HMGB1: variants seen among roughly 807,000 people sequenced by gnomAD.
The protein encoded by HMGB1 is high mobility group box 1.
For missense variants in HMGB1, 79 were observed against 253.5 expected (o/e 0.31, Z 4.67); for synonymous variants, 81 against 84.0 (o/e 0.96, Z 0.19).
chr13:30,506,978 G>A (rs747312104), intron 1 of HMGB1, among the ~76,000 whole-genome samples: 3 of 152,160 alleles, frequency 2.0e-5, no homozygotes, highest in Non-Finnish European at 4.4e-5. Flanking sequence ...CTCTGAAGGC[G>A]ACTCAGTCTA....
intron 1 of HMGB1, among the ~76,000 whole-genome samples, chr13:30,610,576 C>T (rs1008831101): frequency 6.6e-6 from 1 of 151,866 alleles, no homozygotes; most frequent in Admixed American, 6.6e-5. Flanking sequence ...TTGCCTGAGG[C>T]CAAAATTAGT....
intron 1 of HMGB1, among the ~76,000 whole-genome samples, chr13:30,555,817 AG>A (rs1310270871): frequency 6.6e-6 from 1 of 152,232 alleles, no homozygotes; most frequent in Non-Finnish European, 1.5e-5. Context: ...GGACCTCAAA[AG>A]TAGTCCTTAT....
chr13:30,509,930 A>C (rs1887953337), intron 1 of HMGB1, among the ~76,000 whole-genome samples: 1 of 152,174 alleles, frequency 6.6e-6, no homozygotes, highest in Admixed American at 6.5e-5. Flanking sequence ...TCTTACCTAT[A>C]GGCTAATTAA....
At chr13:30,569,544 G>A (rs1870339818) in intron 1 of HMGB1, among the ~76,000 whole-genome samples, 1 of 152,060 alleles carries the variant, frequency 6.6e-6, no homozygotes, top group Non-Finnish European at 1.5e-5. Flanking sequence ...ATTCTGGGAG[G>A]TAGGCATTAT....
At chr13:30,508,081 C>T (rs908711975) in intron 1 of HMGB1, among the ~76,000 whole-genome samples, 2 of 152,132 alleles carry the variant, frequency 1.3e-5, no homozygotes, top group African/African-American at 4.8e-5. Context: ...CCATATCATA[C>T]TGGATGAAAA....
At chr13:30,507,163 C>G (rs1479162093) in intron 1 of HMGB1, among the ~76,000 whole-genome samples, 1 of 152,186 alleles carries the variant, frequency 6.6e-6, no homozygotes, top group Admixed American at 6.5e-5. Flanking sequence ...TCCACTATAG[C>G]TCAAATGCCT....
intron 1 of HMGB1, among the ~76,000 whole-genome samples, chr13:30,543,813 G>A (rs552048025): frequency 6.6e-6 from 1 of 152,316 alleles, no homozygotes; most frequent in South Asian, 2.1e-4. Flanking sequence ...AGAGTTTACA[G>A]TCAAACAGGA....
At chr13:30,464,113 A>C (rs41433050) in intron 1 of HMGB1, 253 of 984,626 alleles carry the variant, frequency 2.6e-4, no homozygotes, top group Non-Finnish European at 2.9e-4. Context: ...CAAGGGCCTA[A>C]GCGAGTCGAC....
At chr13:30,553,640 T>C (rs1384867818) in intron 1 of HMGB1, 2 of 667,660 alleles carry the variant, frequency 3.0e-6, no homozygotes, top group Non-Finnish European at 5.4e-6. Context: ...CACTCTTCCA[T>C]TTCTCTTAAG....
At chr13:30,607,351 G>A (rs1300131464) in intron 1 of HMGB1, among the ~76,000 whole-genome samples, 1 of 152,080 alleles carries the variant, frequency 6.6e-6, no homozygotes, top group East Asian at 1.9e-4. Context: ...CGAAAGGACT[G>A]GATCATGGGG....
chr13:30,474,797 A>T, intron 1 of HMGB1, among the ~76,000 whole-genome samples: 1 of 112,236 alleles, frequency 8.9e-6, no homozygotes, highest in African/African-American at 3.6e-5. Flanking sequence ...GTTTCGCTCT[A>T]TCGCCTAAGC....
chr13:30,541,934 T>C (rs1868911034), intron 1 of HMGB1: 2 of 152,610 alleles, frequency 1.3e-5, no homozygotes, highest in Admixed American at 6.5e-5. Flanking sequence ...GACCTTGCCA[T>C]ATGCCTGAAG....
rs1413679473 is a variant in HMGB1, at chr13:30,537,682, TATATATATATATATAA to T, written c.-14-74004_-14-73989del. Among the ~76,000 whole-genome samples the T allele has an allele frequency of 1.1e-4, 14 of 125,024 alleles. 1 individual carries two copies. The highest frequency in any genetic ancestry group is 4.9e-4 in the African/African-American group (14 of 28,626). The allele number at this position is 125,024 out of a possible 152,430, so 82.0% of individuals were successfully genotyped here. On this transcript the variant is annotated intron_variant, in intron 1 of 4. Transcript: ENST00000405805. The stretch of plus-strand genomic sequence containing the variant: ...ATATATATATATATATATATATATA[TATATATATATATATAA>T]AATTGATGTATCCAATGTTAATGAG...
Position 30,458,624 on chromosome 13 carries a change from C to G in HMGB1, c.*2733G>C, listed in dbSNP as rs7330183. ...GATTACAGGCGTGAGCCACTGCGCCCGGCCTCTCCTGTAGTTTTCAACATA... is the reference window on the plus strand; with the variant it reads ...GATTACAGGCGTGAGCCACTGCGCCGGGCCTCTCCTGTAGTTTTCAACATA... On this transcript the variant is annotated 3_prime_UTR_variant, in exon 5 of 5. Coordinates refer to ENST00000341423, the MANE Select transcript of HMGB1 (RefSeq NM_002128.7). 1 of 152,242 alleles carries G rather than the reference C, an allele frequency of 6.6e-6. No individual in the cohort carries two copies. Among genetic ancestry groups the G allele is most frequent in the Non-Finnish European group, 1.5e-5 (1 of 68,102 alleles). 9.4% of individuals were successfully genotyped at this position (152,242 alleles called of 1,614,324 possible).
Position 30,597,809 on chromosome 13 carries a change from GA to G in HMGB1, c.-15+18861del, listed in dbSNP as rs749250054. On this transcript the variant is annotated intron_variant, in intron 1 of 4. Coordinates refer to the HMGB1 transcript ENST00000405805. ...TCACCCTCATCCCAACGGACTACAG[GA>G]ACAGACCTCAGGTCACATTTGACTC... Among the ~76,000 whole-genome samples the G allele has an allele frequency of 4.6e-5, 7 of 152,232 alleles. No homozygotes were observed. The East Asian group carries it at 1.2e-3, about 25-fold the overall frequency.
intron 1 of HMGB1, among the ~76,000 whole-genome samples, chr13:30,490,422 C>A (rs1887460889): frequency 6.6e-6 from 1 of 151,940 alleles, no homozygotes; most frequent in East Asian, 1.9e-4. Flanking sequence ...GAGTTTGAGA[C>A]CAGCCTGGCC....
intron 1 of HMGB1, among the ~76,000 whole-genome samples, chr13:30,596,580 C>A (rs1330268822): frequency 6.6e-6 from 1 of 152,212 alleles, no homozygotes; most frequent in African/African-American, 2.4e-5. Context: ...GAACTCGCAG[C>A]AGAGTTGTGA....
chr13:30,543,128 T>G (rs1255354336), intron 1 of HMGB1: 1 of 148,014 alleles, frequency 6.8e-6, no homozygotes, highest in African/African-American at 2.5e-5. Flanking sequence ...TTTTTTTTTT[T>G]TTTTTTTTTT....
chr13:30,603,606 T>C (rs530088761), intron 1 of HMGB1, among the ~76,000 whole-genome samples: 2 of 152,232 alleles, frequency 1.3e-5, no homozygotes, highest in East Asian at 3.9e-4. Flanking sequence ...GAATTGGTTC[T>C]AGGACTCCCT....
Sources: gnomAD v4.1 joint callset for allele counts (sites outside exome capture counted in the v4.1 genomes callset) on GRCh38, gnomAD v4.1.1 for gene constraint, MANE v1.5 for transcripts, NCBI Gene and HGNC (gene_info 2026-07-23, HGNC 2026-07-21) for gene names.